MAST4: variants seen among roughly 807,000 people sequenced by gnomAD.
MAST4 encodes the protein microtubule-associated serine/threonine-protein kinase 4.
In MAST4, 89 loss-of-function variants were observed where a neutral mutation model predicts 162.7. The observed-to-expected ratio is 0.55, with a 90% CI of 0.46 to 0.65. MAST4 has a LOEUF of 0.65. MAST4 is among the 30% of genes least tolerant of loss of function. The pLI, the probability that MAST4 is intolerant of heterozygous loss-of-function variation, is 0.00. For missense variants in MAST4, 3,153 were observed against 3,374.0 expected (o/e 0.93, Z 1.62); for synonymous variants, 1,479 against 1,361.1 (o/e 1.09, Z -1.91).
chr5:66,984,669 A>G (rs1212925464), intron 4 of MAST4, among the ~76,000 whole-genome samples: 3 of 151,968 alleles, frequency 2.0e-5, no homozygotes, highest in Non-Finnish European at 4.4e-5. Context: ...CTACAGGGGT[A>G]AATAGTGAAA....
chr5:66,664,360 G>A (rs548249828), intron 1 of MAST4, among the ~76,000 whole-genome samples: 7 of 149,920 alleles, frequency 4.7e-5, no homozygotes, highest in African/African-American at 9.9e-5. Context: ...GCTTGAACCC[G>A]GGCGACGGAG....
intron 5 of MAST4, among the ~76,000 whole-genome samples, chr5:67,086,737 G>A (rs1169056380): frequency 6.6e-6 from 1 of 152,214 alleles, no homozygotes; most frequent in African/African-American, 2.4e-5. Flanking sequence ...CTCAGGTATT[G>A]CTTTGCAGAT....
At chr5:66,981,279 G>T (rs1050707354) in intron 4 of MAST4, among the ~76,000 whole-genome samples, 15 of 152,220 alleles carry the variant, frequency 9.9e-5, no homozygotes, top group African/African-American at 3.6e-4. Context: ...CTTATTTATT[G>T]GAAATTATCC....
chr5:67,044,397 A>G (rs769978229), intron 4 of MAST4, among the ~76,000 whole-genome samples: 8 of 152,200 alleles, frequency 5.3e-5, no homozygotes, highest in Non-Finnish European at 8.8e-5. Flanking sequence ...GATAAATTGC[A>G]CTAAACAATT....
chr5:67,042,538 C>T lies in MAST4; in HGVS notation c.675-11866C>T, dbSNP rs573500941. 4.7e-5 allele frequency among the ~76,000 whole-genome samples: 7 copies of T among 149,710 alleles called. No individual in the cohort carries two copies. In the East Asian group the frequency reaches 7.8e-4, roughly 17 times the overall value. ...TTTGACCTCTTTTTTTTTTTTTCCG[C>T]GCTTTTCACCAAGGTGGGCTATTCT... On this transcript the variant is annotated intron_variant, in intron 4 of 28. Transcript: ENST00000403625.
intron 1 of MAST4, among the ~76,000 whole-genome samples, chr5:66,677,105 T>G (rs1313190345): frequency 6.6e-6 from 1 of 152,204 alleles, no homozygotes; most frequent in African/African-American, 2.4e-5. Context: ...GAGGAAAATT[T>G]TGGCACAAAT....
intron 2 of MAST4, among the ~76,000 whole-genome samples, chr5:66,764,427 C>G (rs988966514): frequency 6.6e-6 from 1 of 152,172 alleles, no homozygotes; most frequent in African/African-American, 2.4e-5. Context: ...AAGCACACTT[C>G]ACTTGATACC....
intron 4 of MAST4, among the ~76,000 whole-genome samples, chr5:66,971,161 G>A (rs1363046882): frequency 6.6e-6 from 1 of 152,170 alleles, no homozygotes; most frequent in African/African-American, 2.4e-5. Flanking sequence ...GAGCTTTCTT[G>A]CTTGGTTCCC....
intron 4 of MAST4, among the ~76,000 whole-genome samples, chr5:66,987,894 T>C (rs1749691327): frequency 6.6e-6 from 1 of 152,222 alleles, no homozygotes; most frequent in African/African-American, 2.4e-5. Context: ...GACATGGAAG[T>C]GTGAAATAGT....
chr5:67,082,839 A>T lies in MAST4; in HGVS notation c.764-7323A>T, dbSNP rs1303316922. Among the ~76,000 whole-genome samples the T allele has an allele frequency of 5.3e-5, 8 of 152,342 alleles. No individual in the cohort carries two copies. In the East Asian group the frequency reaches 1.5e-3, roughly 29 times the overall value. On this transcript the variant is annotated intron_variant, in intron 5 of 28. Coordinates refer to ENST00000403625, the MANE Select transcript of MAST4 (RefSeq NM_001164664.2). ...AATAAAGTAATTGTAAATGTTAAAC[A>T]GGTGAATCTGAGTAAAGAGAGCAGA...
chr5:66,957,344 C>T (rs984215584), intron 4 of MAST4, among the ~76,000 whole-genome samples: 7 of 151,888 alleles, frequency 4.6e-5, no homozygotes, highest in African/African-American at 1.5e-4. Flanking sequence ...TCCATTATAT[C>T]TTGTTTGTTT....
At chr5:66,738,390 C>T (rs76344467) in intron 1 of MAST4, 4,449 of 152,336 alleles carry the variant, frequency 0.029, 159 homozygotes, top group African/African-American at 0.081. Context: ...AGCTAGAGAG[C>T]ACAATATTAT....
chr5:66,617,233 T>C (rs1743752921), intron 1 of MAST4, among the ~76,000 whole-genome samples: 1 of 152,200 alleles, frequency 6.6e-6, no homozygotes, highest in Admixed American at 6.5e-5. Flanking sequence ...CTTTTGAAAA[T>C]GTGGCTAATG....
At chr5:66,685,265 A>ACAAAAC (rs1554042311) in intron 1 of MAST4, among the ~76,000 whole-genome samples, 14 of 19,854 alleles carry the variant, frequency 7.1e-4, no homozygotes, top group South Asian at 1.5e-3. Flanking sequence ...CTTGTCTCAA[A>ACAAAAC]CAAAACAAAA....
At chr5:66,716,892 A>G (rs961099487) in intron 1 of MAST4, among the ~76,000 whole-genome samples, 14 of 152,134 alleles carry the variant, frequency 9.2e-5, no homozygotes, top group African/African-American at 2.2e-4. Flanking sequence ...GTTTTGACTG[A>G]ATTCCCAATA....
chr5:67,054,462 C>T lies in MAST4; in HGVS notation c.733C>T (p.Arg245Ter), dbSNP rs759869817. 2.5e-6 allele frequency: 4 copies of T among 1,611,350 alleles called. No homozygotes were observed. The highest frequency in any genetic ancestry group is 1.7e-6 in the Non-Finnish European group (2 of 1,178,830). ...IGNGQSPALP[R>*]PHSPLSAHAG... ...CAATGGGCAGTCACCAGCATTGCCT[C>T]GACCACACTCACCTCTCTCTGCTCA... is the stretch of plus-strand genomic sequence containing the variant. Residue 245 changes from arginine to a stop codon, truncating the protein, a stop_gained, in exon 5 of 29, where the codon CGA becomes TGA. Transcript: ENST00000403625. LOFTEE classifies it high-confidence loss of function.
intron 1 of MAST4, among the ~76,000 whole-genome samples, chr5:66,673,390 T>C (rs1369743945): frequency 1.3e-5 from 2 of 150,784 alleles, no homozygotes; most frequent in African/African-American, 2.5e-5. Context: ...GTTCTAAAGG[T>C]ATTTATTGTA....
chr5:67,071,672 A>G (rs1761015325), intron 5 of MAST4, among the ~76,000 whole-genome samples: 1 of 152,210 alleles, frequency 6.6e-6, no homozygotes, highest in Admixed American at 6.5e-5. Context: ...AGGCAGGAGA[A>G]TTGCTTGAAC....
intron 1 of MAST4, among the ~76,000 whole-genome samples, chr5:66,620,996 T>C (rs763491071): frequency 3.3e-5 from 5 of 152,142 alleles, no homozygotes; most frequent in Non-Finnish European, 7.4e-5. Flanking sequence ...GTCAGAATTG[T>C]TTCTAAATAG....
Sources: allele counts gnomAD v4.1 joint callset (sites outside exome capture counted in the v4.1 genomes callset), GRCh38; gene constraint gnomAD v4.1.1; transcripts MANE v1.5; gene names NCBI Gene and HGNC (gene_info 2026-07-23, HGNC 2026-07-21).